PRAG1: variants seen among roughly 807,000 people sequenced by gnomAD.
PRAG1 encodes inactive tyrosine-protein kinase PRAG1.
A neutral mutation model predicts 95.6 loss-of-function variants in PRAG1; 110 were observed. The ratio of observed to expected loss-of-function variants is 1.15; its 90% CI spans 0.99 to 1.35. The LOEUF is 1.35. Ranked by LOEUF, PRAG1 falls within the 40% of genes most tolerant of loss-of-function variation. The pLI, the probability that PRAG1 is intolerant of heterozygous loss-of-function variation, is 0.00. For synonymous variants in PRAG1, 1,052 were observed against 819.4 expected, an observed-to-expected ratio of 1.28 and a Z score of -4.85; for missense variants, 2,554 against 1,864.7, an observed-to-expected ratio of 1.37 and a Z score of -6.81.
intron 4 of PRAG1, among the ~76,000 whole-genome samples, chr8:8,329,187 G>A (rs1403110117): frequency 6.6e-6 from 1 of 152,078 alleles, no homozygotes; most frequent in Non-Finnish European, 1.5e-5. Flanking sequence ...GAGCTCAGGA[G>A]TTTGAGACCA....
chr8:8,374,934 C>CA (rs1800328942), intron 3 of PRAG1, among the ~76,000 whole-genome samples: 1 of 152,126 alleles, frequency 6.6e-6, no homozygotes, highest in African/African-American at 2.4e-5. Flanking sequence ...CTTGAAATGA[C>CA]ATGACTCGAG....
rs868724553 is a variant in PRAG1, at chr8:8,318,566, G to C, written c.3809C>G (p.Pro1270Arg). The C allele has an allele frequency of 1.2e-6, 2 of 1,613,688 alleles. No homozygotes were observed. Among genetic ancestry groups the C allele is most frequent in the East Asian group, 4.5e-5 (2 of 44,842 alleles). ...CCGCAGCTGGGCGCGCACCTCGAAC[G>C]GGTTGGGTTGGTGCAGCAGCTCGTA... ...LIYELLHQPN[P>R]FEVRAQLRER... The change falls in exon 6 of 6, where the codon CCG (proline) becomes CGG (arginine). Residue 1270 changes from proline (P) to arginine (R), a missense_variant. By Grantham distance (103) the Pro-to-Arg change is moderately radical. Transcript: ENST00000615670. The surrounding 1 kb of genome is among the most constrained non-coding windows in gnomAD (Gnocchi z 4.2).
chr8:8,372,615 C>T (rs1312329520), intron 3 of PRAG1, among the ~76,000 whole-genome samples: 1 of 152,202 alleles, frequency 6.6e-6, no homozygotes, highest in African/African-American at 2.4e-5. Context: ...AAGAACTGTT[C>T]TGGGCATAAA....
intron 4 of PRAG1, among the ~76,000 whole-genome samples, chr8:8,330,743 T>A (rs953848164): frequency 1.3e-5 from 2 of 152,096 alleles, no homozygotes; most frequent in Non-Finnish European, 1.5e-5. Flanking sequence ...GGTCTCCCCA[T>A]CCCACGCTCC....
chr8:8,386,230 G>C (rs924510475), intron 1 of PRAG1, 91 bp downstream of exon 1: 7 of 152,286 alleles, frequency 4.6e-5, no homozygotes, highest in Admixed American at 3.3e-4. Context: ...TAGCCCGCTC[G>C]GCGATCGCAG....
intron 3 of PRAG1, among the ~76,000 whole-genome samples, chr8:8,360,755 T>C (rs1563246920): frequency 6.6e-6 from 1 of 152,232 alleles, no homozygotes; most frequent in Non-Finnish European, 1.5e-5. Flanking sequence ...CCTTCATCCT[T>C]TTCTTGTTGT....
Position 8,328,146 on chromosome 8 carries a change from G to C in PRAG1, c.2636C>G (p.Ser879Cys). The change falls in exon 5 of 6, where the codon TCC becomes TGC. Residue 879 changes from serine to cysteine, a missense_variant. Ser to Cys is a moderately radical substitution (Grantham distance 112). Coordinates refer to ENST00000615670, the MANE Select transcript of PRAG1 (RefSeq NM_001080826.3). ...GNRHHPVFSS[S>C]DPLEKAFKGS... The stretch of plus-strand genomic sequence containing the variant: ...TTTGAAAGCTTTCTCCAGAGGATCG[G>C]AAGAGGAGAAGACAGGATGGTGGCG... 1 of 1,614,264 alleles carries C rather than the reference G, an allele frequency of 6.2e-7. No individual in the cohort carries two copies. The highest frequency in any genetic ancestry group is 1.3e-5 in the African/African-American group (1 of 75,072).
rs933882843 is a variant in PRAG1, at chr8:8,381,806, G to C, written c.-59C>G. On this transcript the variant is annotated 5_prime_UTR_variant, in exon 2 of 6. It adds an upstream start codon to the 5' untranslated region. Transcript: ENST00000615670. The stretch of plus-strand genomic sequence containing the variant: ...CCGGCTCTCTGGTGCAGTTTTGTGG[G>C]ATTCAGAGGTGGGTCACAGAGCGGC... 7.1e-7 allele frequency: 1 copy of C among 1,417,256 alleles called. No homozygotes were observed. The allele number at this position is 1,417,256 out of a possible 1,614,324, so 87.8% of individuals were successfully genotyped here. A position where few individuals can be genotyped will look rare whatever the true frequency, so the allele number is the denominator to read the frequency against.
Position 8,376,603 on chromosome 8 carries a change from G to A in PRAG1, c.1806C>T (p.Asn602=), listed in dbSNP as rs375436948. 8.0e-5 allele frequency: 129 copies of A among 1,603,710 alleles called. No homozygotes were observed. The African/African-American group carries it at 1.5e-3, about 18-fold the overall frequency. ...PADPAPSCRT[N]GVAISDPSRC... Reference sequence around the variant, plus strand: ...TGGATGGGTCACTGATAGCGACACCGTTGGTCCGGCAGGAAGGAGCGGGGT... The same window carrying A: ...TGGATGGGTCACTGATAGCGACACCATTGGTCCGGCAGGAAGGAGCGGGGT... Residue 602 remains asparagine, a synonymous_variant, in exon 3 of 6, where the codon AAC becomes AAT. Coordinates refer to ENST00000615670, the MANE Select transcript of PRAG1 (RefSeq NM_001080826.3).
In PRAG1 at chr8:8,318,864, C is replaced by G. The variant is rs1189675081; in HGVS notation, c.3511G>C (p.Ala1171Pro). The G allele has an allele frequency of 1.7e-6, 1 of 595,760 alleles. No individual in the cohort carries two copies. The highest frequency in any genetic ancestry group is 2.1e-6 in the Non-Finnish European group (1 of 469,610). 36.9% of individuals were successfully genotyped at this position (595,760 alleles called of 1,614,324 possible). ...GGCGCGGCGGCGGCGGGGGCGGGAGCCGGGGCGGGGGCGGGGGCGGGCCCG... is the reference window on the plus strand; with the variant it reads ...GGCGCGGCGGCGGCGGGGGCGGGAGGCGGGGCGGGGGCGGGGGCGGGCCCG... ...GPGPAPAPAPAPAPAAAAPPC... is the reference protein window; with the variant it reads ...GPGPAPAPAPPPAPAAAAPPC... The change falls in exon 6 of 6, where the codon GCT (alanine) becomes CCT (proline). Residue 1171 changes from alanine to proline, a missense_variant. Physicochemically the swap from Ala to Pro is conservative, Grantham distance 27 (BLOSUM62 -1). Transcript: ENST00000615670. This position sits in a 1 kb window ranked among gnomAD's most constrained non-coding sequence, Gnocchi z 4.2.
Position 8,318,664 on chromosome 8 carries a change from G to A in PRAG1, c.3711C>T (p.Ala1237=). ...TPNLQQKKSQ[A]RLAPEIVSAS... The stretch of plus-strand genomic sequence containing the variant: ...CAGACACGATCTCGGGGGCCAGCCG[G>A]GCCTGGCTCTTCTTCTGCTGCAGGT... The change falls in exon 6 of 6, where the codon GCC becomes GCT. Residue 1237 remains alanine, a synonymous_variant. Transcript: ENST00000615670. This position sits in a 1 kb window ranked among gnomAD's most constrained non-coding sequence, Gnocchi z 4.2. 6.2e-7 allele frequency: 1 copy of A among 1,611,616 alleles called. No individual in the cohort carries two copies. The highest frequency in any genetic ancestry group is 8.5e-7 in the Non-Finnish European group (1 of 1,179,750).
chr8:8,319,987 A>G (rs2117095248), intron 5 of PRAG1, among the ~76,000 whole-genome samples: 1 of 152,346 alleles, frequency 6.6e-6, no homozygotes, highest in African/African-American at 2.4e-5. Context: ...GACATTGCTG[A>G]TGGGAATGTA....
At chr8:8,334,240 T>C (rs1358649479) in intron 4 of PRAG1, among the ~76,000 whole-genome samples, 2 of 152,028 alleles carry the variant, frequency 1.3e-5, no homozygotes, top group Non-Finnish European at 2.9e-5. Context: ...GGTCTGGAGT[T>C]TGAGGGGCCA....
At chr8:8,383,330 G>A (rs1800746034) in intron 1 of PRAG1, among the ~76,000 whole-genome samples, 1 of 152,186 alleles carries the variant, frequency 6.6e-6, no homozygotes, top group East Asian at 1.9e-4. Context: ...CAGCACTTTG[G>A]GAGGCCGAGG....
chr8:8,382,863 A>G (rs1800729091), intron 1 of PRAG1, among the ~76,000 whole-genome samples: 1 of 152,166 alleles, frequency 6.6e-6, no homozygotes. Context: ...TAGACACGGG[A>G]GAGTTTGCCC....
intron 3 of PRAG1, among the ~76,000 whole-genome samples, chr8:8,348,411 A>G (rs1271237939): frequency 6.6e-6 from 1 of 152,140 alleles, no homozygotes; most frequent in Non-Finnish European, 1.5e-5. Context: ...TGACAATCTC[A>G]ATTTCAAATA....
chr8:8,375,227 AC>A (rs1200902037), intron 3 of PRAG1, among the ~76,000 whole-genome samples: 1 of 63,414 alleles, frequency 1.6e-5, no homozygotes, highest in Non-Finnish European at 2.8e-5. Context: ...TTTTTTTGAG[AC>A]AGTCTCACTC....
rs1798680384 is a variant in PRAG1, at chr8:8,327,837, A to T, written c.2945T>A (p.Leu982His). 3 of 1,614,176 alleles carry T rather than the reference A, an allele frequency of 1.9e-6. No homozygotes were observed. In the East Asian group the frequency reaches 6.7e-5, roughly 36 times the overall value. ...CGACCAGTTATTCTCATTGAAGTGG[A>T]GCTCCTTTTTCTGGCCGCCCATGAA... is the stretch of plus-strand genomic sequence containing the variant. ...DLFMGGQKKE[L>H]HFNENNWSLF... Residue 982 changes from leucine (L) to histidine (H), a missense_variant, in exon 5 of 6, where the codon CTC becomes CAC. Physicochemically the swap from Leu to His is moderately conservative, Grantham distance 99. Transcript: ENST00000615670.
chr8:8,323,830 A>G (rs1195686364), intron 5 of PRAG1, among the ~76,000 whole-genome samples: 1 of 152,090 alleles, frequency 6.6e-6, no homozygotes, highest in Non-Finnish European at 1.5e-5. Context: ...AGGTGACTCA[A>G]ATTTTTCCTT....
Sources: gnomAD v4.1 joint callset for allele counts (sites outside exome capture counted in the v4.1 genomes callset) on GRCh38, gnomAD v4.1.1 for gene constraint, Gnocchi (gnomAD v3.1) non-coding constraint, MANE v1.5 for transcripts, NCBI Gene and HGNC (gene_info 2026-07-23, HGNC 2026-07-21) for gene names.